DLG2: variants seen among roughly 807,000 people sequenced by gnomAD.
DLG2 encodes the protein disks large homolog 2.
Under a neutral mutation model 132.5 loss-of-function variants are expected in DLG2, and 45 were observed. The observed-to-expected ratio is 0.34, with a 90% CI of 0.27 to 0.44. DLG2 has a LOEUF of 0.44. Ranked by LOEUF, DLG2 falls within the 20% of genes least tolerant of loss-of-function variation. DLG2 has a pLI of 1.00. For synonymous variants in DLG2, 424 were observed against 419.6 expected (o/e 1.01, Z -0.13); for missense variants, 1,045 against 1,196.9 (o/e 0.87, Z 1.87).
rs777074461 is a variant in DLG2, at chr11:84,640,600, C to G, written c.358-105869G>C. On this transcript the variant is annotated intron_variant, in intron 6 of 27. Coordinates refer to ENST00000376104, the MANE Select transcript of DLG2 (RefSeq NM_001142699.3). ...GTTGCCCAGCTACAGAAACAAGATG[C>G]TGGATGATTCCTAAGACCTATTTGT... 241 of 255,066 alleles carry G rather than the reference C, an allele frequency of 9.4e-4. 2 individuals carry two copies. Among genetic ancestry groups the G allele is most frequent in the South Asian group, 2.6e-3 (56 of 21,294 alleles). The allele number at this position is 255,066 out of a possible 1,614,324, so 15.8% of individuals were successfully genotyped here.
chr11:84,588,010 G>T (rs1182975066), intron 6 of DLG2, among the ~76,000 whole-genome samples: 3 of 152,060 alleles, frequency 2.0e-5, no homozygotes, highest in Non-Finnish European at 4.4e-5. Flanking sequence ...TGCTTAACAA[G>T]CCCAAACATT....
intron 6 of DLG2, among the ~76,000 whole-genome samples, chr11:84,661,686 T>C (rs1445647162): frequency 1.3e-5 from 2 of 152,266 alleles, no homozygotes; most frequent in Admixed American, 6.5e-5. Flanking sequence ...TATATTTGTG[T>C]CTGTAAGTCA....
intron 7 of DLG2, among the ~76,000 whole-genome samples, chr11:84,339,822 C>T (rs1357457507): frequency 6.6e-6 from 1 of 152,182 alleles, no homozygotes. Flanking sequence ...CTGAAGATTA[C>T]AAGCTAGATT....
chr11:83,856,160 A>T (rs2154038290), intron 16 of DLG2, among the ~76,000 whole-genome samples: 1 of 152,184 alleles, frequency 6.6e-6, no homozygotes, highest in Non-Finnish European at 1.5e-5. Context: ...TGCAAAGGAC[A>T]TAATCTCCTT....
rs139884892 is a variant in DLG2 at position 85,240,467 on chromosome 11, T to A, written c.186+44753A>T. On this transcript the variant is annotated intron_variant, in intron 4 of 27. Coordinates refer to ENST00000376104, the MANE Select transcript of DLG2 (RefSeq NM_001142699.3). ...CACCTTTTCCTTATGGTTAGCTCTTTTTATATTTAAAAAAAATCATTCTCT... is the reference window on the plus strand; with the variant it reads ...CACCTTTTCCTTATGGTTAGCTCTTATTATATTTAAAAAAAATCATTCTCT... Among the ~76,000 whole-genome samples the A allele has an allele frequency of 5.0e-3, 759 of 151,928 alleles. 9 individuals are homozygous for A. Among genetic ancestry groups the A allele is most frequent in the African/African-American group, 0.017 (710 of 41,540 alleles).
At chr11:85,147,248 C>T (rs1406968031) in intron 5 of DLG2, among the ~76,000 whole-genome samples, 1 of 152,106 alleles carries the variant, frequency 6.6e-6, no homozygotes, top group African/African-American at 2.4e-5. Context: ...TTTGGTGTTC[C>T]TGCAGGGGGG....
At chr11:83,711,020 C>G (rs2085290838) in intron 18 of DLG2, among the ~76,000 whole-genome samples, 1 of 152,068 alleles carries the variant, frequency 6.6e-6, no homozygotes, top group Non-Finnish European at 1.5e-5. Flanking sequence ...AAATGTAAAG[C>G]CTGATACTTG....
intron 5 of DLG2, among the ~76,000 whole-genome samples, chr11:85,125,842 CACAA>C (rs1481475527): frequency 7.9e-6 from 1 of 126,648 alleles, no homozygotes; most frequent in Non-Finnish European, 1.7e-5. Context: ...CACACACACA[CACAA>C]GAAAAAGGAA....
At chr11:84,835,406 T>C (rs1353650560) in intron 6 of DLG2, among the ~76,000 whole-genome samples, 5 of 151,724 alleles carry the variant, frequency 3.3e-5, no homozygotes, top group African/African-American at 1.2e-4. Flanking sequence ...TGATTTCTTA[T>C]CTACAAAATG....
At chr11:84,594,942 C>G (rs568669492) in intron 6 of DLG2, among the ~76,000 whole-genome samples, 1 of 152,248 alleles carries the variant, frequency 6.6e-6, no homozygotes, top group East Asian at 1.9e-4. Flanking sequence ...AATATAAACT[C>G]AGCATTTATA....
At chr11:83,497,456 A>C (rs1368082947) in intron 21 of DLG2, among the ~76,000 whole-genome samples, 1 of 151,992 alleles carries the variant, frequency 6.6e-6, no homozygotes, top group African/African-American at 2.4e-5. Context: ...AATTGCTTGA[A>C]CCTGAGAGGC....
chr11:84,106,913 GAGAGA>G (rs2092974820), intron 9 of DLG2, among the ~76,000 whole-genome samples: 1 of 131,942 alleles, frequency 7.6e-6, no homozygotes, highest in Admixed American at 7.9e-5. Context: ...GTGTGTGTGT[GAGAGA>G]AGTGTGTGTG....
At chr11:84,615,831 AAAAAAAAAAC>A (rs1012889089) in intron 6 of DLG2, among the ~76,000 whole-genome samples, 5 of 146,770 alleles carry the variant, frequency 3.4e-5, no homozygotes, top group Non-Finnish European at 7.5e-5. Flanking sequence ...AAAAAAAAAA[AAAAAAAAAAC>A]TTCATTCCAG....
chr11:84,895,527 T>C (rs2090072165), intron 6 of DLG2, among the ~76,000 whole-genome samples: 2 of 152,210 alleles, frequency 1.3e-5, no homozygotes, highest in Admixed American at 1.3e-4. Context: ...ATCATAGCTT[T>C]GCTTTTCTTA....
At chr11:84,350,948 C>T (rs1472317919) in intron 7 of DLG2, among the ~76,000 whole-genome samples, 1 of 152,058 alleles carries the variant, frequency 6.6e-6, no homozygotes, top group Non-Finnish European at 1.5e-5. Context: ...CTCCCCTTTT[C>T]AATGTAAAAA....
intron 6 of DLG2, among the ~76,000 whole-genome samples, chr11:84,961,736 C>T (rs551039786): frequency 6.6e-6 from 1 of 152,244 alleles, no homozygotes; most frequent in South Asian, 2.1e-4. Flanking sequence ...TATGCTCCTC[C>T]ACCCAAGCAA....
chr11:85,346,440 G>A (rs924990641), intron 3 of DLG2, among the ~76,000 whole-genome samples: 6 of 151,916 alleles, frequency 3.9e-5, no homozygotes, highest in Non-Finnish European at 7.4e-5. Context: ...TGCCCGCCTC[G>A]GCCTCCCACA....
rs1170534284 is a variant in DLG2, at chr11:83,690,448, G to A, written c.1826-57123C>T. On this transcript the variant is annotated intron_variant, in intron 18 of 27. Transcript: ENST00000376104. ...AATACAAGTTTAATATAGTAGAAAT[G>A]TTAAACAACCTAAATGTAATGGCTC... 3.3e-5 allele frequency among the ~76,000 whole-genome samples: 5 copies of A among 151,900 alleles called. No homozygotes were observed. The East Asian group carries it at 9.6e-4, about 29-fold the overall frequency.
chr11:83,785,020 C>T (rs959045438), intron 18 of DLG2, among the ~76,000 whole-genome samples: 1 of 151,964 alleles, frequency 6.6e-6, no homozygotes, highest in Non-Finnish European at 1.5e-5. Context: ...TCAAATGGTA[C>T]CAGCATATAT....
Sources: allele counts gnomAD v4.1 joint callset (sites outside exome capture counted in the v4.1 genomes callset), GRCh38; gene constraint gnomAD v4.1.1; transcripts MANE v1.5; gene names NCBI Gene and HGNC (gene_info 2026-07-23, HGNC 2026-07-21).